The following ZNF423 variants were observed in gnomAD, a reference collection of about 807,000 sequenced individuals.
ZNF423 encodes the protein Ebf-associated zinc finger protein.
ZNF423 carries 12 observed loss-of-function variants against 95.8 expected under a neutral mutation model. The ratio of observed to expected loss-of-function variants is 0.13; its 90% CI spans 0.08 to 0.20. ZNF423 has a LOEUF of 0.20. ZNF423 is among the 10% of genes least tolerant of loss of function. ZNF423 has a pLI of 1.00. For missense variants in ZNF423, 1,316 were observed against 1,737.1 expected (o/e 0.76, Z 4.31); for synonymous variants, 749 against 711.9 (o/e 1.05, Z -0.83).
At chr16:49,532,525 G>C (rs950006084) in intron 5 of ZNF423, among the ~76,000 whole-genome samples, 3 of 152,212 alleles carry the variant, frequency 2.0e-5, no homozygotes, top group African/African-American at 7.2e-5. Context: ...TTCTAAATGA[G>C]CTCTGGCAGC....
chr16:49,853,923 A>G (rs1423800664), intron 1 of ZNF423: 2 of 985,332 alleles, frequency 2.0e-6, no homozygotes, highest in East Asian at 2.3e-4. Context: ...CCTGAGTTAA[A>G]TAAAACTGTT....
At chr16:49,752,124 TC>T (rs752419201) in intron 2 of ZNF423, among the ~76,000 whole-genome samples, 1 of 152,162 alleles carries the variant, frequency 6.6e-6, no homozygotes, top group Non-Finnish European at 1.5e-5. Context: ...TGGCCACATT[TC>T]CCCCTGCCTG....
intron 3 of ZNF423, among the ~76,000 whole-genome samples, chr16:49,719,538 G>T (rs539072929): frequency 1.3e-5 from 2 of 152,334 alleles, no homozygotes; most frequent in Non-Finnish European, 2.9e-5. Context: ...AATTCCCAGT[G>T]TTGGGGAAGG....
chr16:49,812,640 A>G (rs2034772013), intron 1 of ZNF423, among the ~76,000 whole-genome samples: 1 of 152,200 alleles, frequency 6.6e-6, no homozygotes, highest in African/African-American at 2.4e-5. Flanking sequence ...TGATTGTGCC[A>G]CTGCACTCCA....
chr16:49,789,659 A>C, intron 1 of ZNF423, 113 bp from the exon 2 acceptor site: 2 of 970,758 alleles, frequency 2.1e-6, no homozygotes, highest in Non-Finnish European at 3.0e-6. Flanking sequence ...TATAATACCC[A>C]TCACCAGGGG....
At chr16:49,716,466 C>T (rs1264486600) in intron 3 of ZNF423, among the ~76,000 whole-genome samples, 1 of 152,170 alleles carries the variant, frequency 6.6e-6, no homozygotes, top group East Asian at 1.9e-4. Flanking sequence ...CACATGCACC[C>T]TCATACCCAT....
chr16:49,709,884 G>C (rs1198304700), intron 3 of ZNF423, among the ~76,000 whole-genome samples: 1 of 152,120 alleles, frequency 6.6e-6, no homozygotes, highest in Non-Finnish European at 1.5e-5. Flanking sequence ...ACAAATTTCT[G>C]TTGCATGTAA....
intron 7 of ZNF423, among the ~76,000 whole-genome samples, chr16:49,516,549 T>TA (rs1461637219): frequency 6.6e-6 from 1 of 152,200 alleles, no homozygotes; most frequent in African/African-American, 2.4e-5. Flanking sequence ...AGCAAGGTTT[T>TA]AAATACGGAG....
At chr16:49,839,793 C>A (rs560945338) in intron 1 of ZNF423, among the ~76,000 whole-genome samples, 1 of 152,280 alleles carries the variant, frequency 6.6e-6, no homozygotes, top group East Asian at 1.9e-4. Flanking sequence ...GAAGGACCCC[C>A]ACCTGCCACA....
intron 1 of ZNF423, among the ~76,000 whole-genome samples, chr16:49,848,755 A>ATAATAATAAC (rs2035271688): frequency 6.6e-6 from 1 of 152,328 alleles, no homozygotes; most frequent in Middle Eastern, 3.4e-3. Flanking sequence ...CTGGTGGTTC[A>ATAATAATAAC]TAATAATAAC....
chr16:49,732,311 G>T (rs537124268), intron 2 of ZNF423, among the ~76,000 whole-genome samples: 4 of 152,174 alleles, frequency 2.6e-5, no homozygotes, highest in African/African-American at 7.2e-5. Context: ...GTGCAAAAGC[G>T]TGTGGTAAAT....
chr16:49,666,521 T>C (rs2030553997), intron 3 of ZNF423, among the ~76,000 whole-genome samples: 1 of 152,208 alleles, frequency 6.6e-6, no homozygotes, highest in Non-Finnish European at 1.5e-5. Context: ...CACATAAAGT[T>C]ACACAGACAC....
At chr16:49,815,902 ATATATATATATATTTTTT>A (rs1391579149) in intron 1 of ZNF423, among the ~76,000 whole-genome samples, 3 of 46,712 alleles carry the variant, frequency 6.4e-5, no homozygotes, top group African/African-American at 2.8e-4. Context: ...ATATATATAT[ATATATATATATATTTTTT>A]TTTTTTTTTT....
chr16:49,575,625 A>G (rs1970473441), intron 5 of ZNF423, among the ~76,000 whole-genome samples: 1 of 152,186 alleles, frequency 6.6e-6, no homozygotes, highest in Non-Finnish European at 1.5e-5. Context: ...CTGTATGGCT[A>G]GCAGTGGGTG....
intron 3 of ZNF423, among the ~76,000 whole-genome samples, chr16:49,698,509 T>C (rs960400760): frequency 2.0e-5 from 3 of 152,350 alleles, no homozygotes; most frequent in African/African-American, 7.2e-5. Context: ...CCCCGTCAGA[T>C]TTCTGGCGCT....
At chr16:49,534,316 C>T (rs1968977785) in intron 5 of ZNF423, among the ~76,000 whole-genome samples, 1 of 151,648 alleles carries the variant, frequency 6.6e-6, no homozygotes, top group African/African-American at 2.4e-5. Flanking sequence ...TGCCATGGCA[C>T]GTTCTCAGCT....
intron 3 of ZNF423, among the ~76,000 whole-genome samples, chr16:49,654,431 C>T (rs762710268): frequency 2.0e-5 from 3 of 152,234 alleles, no homozygotes; most frequent in East Asian, 3.8e-4. Context: ...GGGCGTAGAG[C>T]ACAGGCCCCA....
intron 7 of ZNF423, 48 bp from the exon 8 acceptor site, chr16:49,491,352 G>A (rs1274326549): frequency 1.2e-6 from 2 of 1,611,066 alleles, no homozygotes; most frequent in African/African-American, 2.7e-5. Context: ...AGAATGGAGA[G>A]CATGCTCGTC....
At position 49,638,411 on chromosome 16, in the gene ZNF423, G is replaced by A. The variant is rs758165129; in HGVS notation, c.765C>T (p.Asn255=). 5.0e-6 allele frequency: 8 copies of A among 1,613,842 alleles called. No homozygotes were observed. The East Asian group carries it at 6.7e-5, about 13-fold the overall frequency. Residue 255 remains asparagine, a synonymous_variant, in exon 4 of 8, where the codon AAC becomes AAT. Transcript: ENST00000563137. The surrounding 1 kb of genome is among the most constrained non-coding windows in gnomAD (Gnocchi z 5.6). ...TCTCCGACTTGGCCAGATGCTCCTT[G>A]TTCTTTTTGTGGGCCTGCATGTGGC... The part of the protein sequence containing the change: ...LQSHMQAHKK[N]KEHLAKSEKE...
Sources: gnomAD v4.1 joint callset for allele counts (sites outside exome capture counted in the v4.1 genomes callset) on GRCh38, gnomAD v4.1.1 for gene constraint, Gnocchi (gnomAD v3.1) non-coding constraint, MANE v1.5 for transcripts, NCBI Gene and HGNC (gene_info 2026-07-23, HGNC 2026-07-21) for gene names.